The following TMEM163 variants were observed in gnomAD, a reference collection of about 807,000 sequenced individuals.
The protein encoded by TMEM163 is transmembrane protein 163.
TMEM163 carries 17 observed loss-of-function variants against 29.3 expected under a neutral mutation model. The observed-to-expected ratio is 0.58, with a 90% CI of 0.40 to 0.87. The LOEUF is 0.87. TMEM163 is among the 40% of genes least tolerant of loss of function. TMEM163 has a pLI of 0.00. For missense variants in TMEM163, 303 were observed against 381.5 expected (o/e 0.79, Z 1.71); for synonymous variants, 157 against 160.6 (o/e 0.98, Z 0.17).
At chr2:134,506,073 C>T (rs1679817187) in intron 4 of TMEM163, among the ~76,000 whole-genome samples, 1 of 152,162 alleles carries the variant, frequency 6.6e-6, no homozygotes, top group South Asian at 2.1e-4. Flanking sequence ...TGGAATAGCC[C>T]ACACGGTAAG....
At chr2:134,542,373 C>T (rs1680694628) in intron 4 of TMEM163, among the ~76,000 whole-genome samples, 1 of 152,190 alleles carries the variant, frequency 6.6e-6, no homozygotes, top group South Asian at 2.1e-4. Flanking sequence ...CAGAGTGGAG[C>T]TCTGATGGAG....
chr2:134,459,372 T>G (rs185050375), intron 6 of TMEM163: 33 of 151,432 alleles, frequency 2.2e-4, no homozygotes, highest in African/African-American at 7.9e-4. Flanking sequence ...CACCGAGGTT[T>G]GGTCGAGGAT....
chr2:134,617,442 A>G (rs72970152), intron 2 of TMEM163, among the ~76,000 whole-genome samples: 6,971 of 152,138 alleles, frequency 0.046, 545 homozygotes, highest in African/African-American at 0.16. Flanking sequence ...CTCTACTAAA[A>G]AAGTACAAAA....
rs72984277 is a variant in TMEM163, at chr2:134,575,453, G to A, written c.323-23362C>T. Reference sequence around the variant, plus strand: ...CTTGCCTTCAATGCTAGGGGCCTGCGGTATGTATAGAAGTGGCTGAAAACA... The same window carrying A: ...CTTGCCTTCAATGCTAGGGGCCTGCAGTATGTATAGAAGTGGCTGAAAACA... On this transcript the variant is annotated intron_variant, in intron 2 of 7. Coordinates refer to ENST00000281924, the MANE Select transcript of TMEM163 (RefSeq NM_030923.5). Among the ~76,000 whole-genome samples the A allele has an allele frequency of 5.9e-5, 9 of 152,172 alleles. No individual in the cohort carries two copies. The South Asian group carries it at 8.3e-4, about 14-fold the overall frequency.
intron 2 of TMEM163, among the ~76,000 whole-genome samples, chr2:134,597,574 T>C (rs1682116493): frequency 6.6e-6 from 1 of 152,058 alleles, no homozygotes; most frequent in South Asian, 2.1e-4. Flanking sequence ...TCTAAAATTC[T>C]CATTTTTTGT....
At chr2:134,501,542 T>C (rs2106486805) in intron 5 of TMEM163, among the ~76,000 whole-genome samples, 1 of 152,332 alleles carries the variant, frequency 6.6e-6, no homozygotes, top group African/African-American at 2.4e-5. Flanking sequence ...TGGAGGCATA[T>C]TTGCAAGGCC....
chr2:134,520,013 C>T (rs1574201530), intron 4 of TMEM163, among the ~76,000 whole-genome samples: 1 of 151,896 alleles, frequency 6.6e-6, no homozygotes, highest in East Asian at 1.9e-4. Flanking sequence ...AAAGACAGTT[C>T]GCATCACCTG....
chr2:134,648,397 C>A (rs62169032), intron 2 of TMEM163, among the ~76,000 whole-genome samples: 4 of 149,334 alleles, frequency 2.7e-5, no homozygotes, highest in Admixed American at 2.7e-4. Flanking sequence ...GGCTGTGGGG[C>A]AGGCCATGGG....
intron 5 of TMEM163, among the ~76,000 whole-genome samples, chr2:134,475,448 C>T (rs1475030514): frequency 6.6e-6 from 1 of 151,974 alleles, no homozygotes; most frequent in East Asian, 1.9e-4. Context: ...CAAAATATTT[C>T]CTATGACAAA....
intron 2 of TMEM163, among the ~76,000 whole-genome samples, chr2:134,688,116 C>T (rs1455880334): frequency 3.3e-5 from 5 of 152,162 alleles, no homozygotes; most frequent in Non-Finnish European, 4.4e-5. Flanking sequence ...CCACTGCGCA[C>T]CAGACACTGC....
At chr2:134,599,932 C>T (rs9287437) in intron 2 of TMEM163, among the ~76,000 whole-genome samples, 94,334 of 151,476 alleles carry the variant, frequency 0.62, 30,230 homozygotes, top group African/African-American at 0.71. Flanking sequence ...CACATATATA[C>T]ACACACACAC....
Position 134,489,851 on chromosome 2 carries a change from G to A in TMEM163, c.555+13050C>T, listed in dbSNP as rs550444821. ...TTTGCCATCTCTTTCTCTTCCAAAG[G>A]GGTGTAAAAATGTCCACAGCAAGGT... On this transcript the variant is annotated intron_variant, in intron 5 of 7. Coordinates refer to ENST00000281924, the MANE Select transcript of TMEM163 (RefSeq NM_030923.5). Among the ~76,000 whole-genome samples the A allele has an allele frequency of 3.7e-4, 56 of 152,280 alleles. 1 individual carries two copies. Among genetic ancestry groups the A allele is most frequent in the Non-Finnish European group, 5.9e-4 (40 of 68,022 alleles).
At chr2:134,601,479 C>T (rs1017967418) in intron 2 of TMEM163, among the ~76,000 whole-genome samples, 1 of 152,234 alleles carries the variant, frequency 6.6e-6, no homozygotes, top group Non-Finnish European at 1.5e-5. Flanking sequence ...GGAAACCAAC[C>T]CAACAGCCAG....
intron 2 of TMEM163, among the ~76,000 whole-genome samples, chr2:134,661,173 C>T (rs1034925541): frequency 1.3e-5 from 2 of 151,984 alleles, no homozygotes; most frequent in African/African-American, 2.4e-5. Flanking sequence ...CTCTCTCTCT[C>T]TCTCTCTCTC....
At chr2:134,699,521 T>G (rs1009733699) in intron 2 of TMEM163, among the ~76,000 whole-genome samples, 3 of 151,966 alleles carry the variant, frequency 2.0e-5, no homozygotes, top group Non-Finnish European at 4.4e-5. Flanking sequence ...AAAAAAATGT[T>G]GTAGATATGA....
chr2:134,600,021 T>C (rs928686452), intron 2 of TMEM163, among the ~76,000 whole-genome samples: 4 of 152,208 alleles, frequency 2.6e-5, no homozygotes, highest in Admixed American at 6.5e-5. Context: ...GCTCCCATTA[T>C]AAAGCAAGTT....
chr2:134,693,255 C>T (rs1684508064), intron 2 of TMEM163, among the ~76,000 whole-genome samples: 1 of 152,084 alleles, frequency 6.6e-6, no homozygotes, highest in South Asian at 2.1e-4. Flanking sequence ...AAGAGTAAGA[C>T]ATTTAAAAAA....
intron 2 of TMEM163, among the ~76,000 whole-genome samples, chr2:134,669,426 A>C (rs1211550057): frequency 6.6e-6 from 1 of 152,152 alleles, no homozygotes; most frequent in African/African-American, 2.4e-5. Flanking sequence ...TGGAAGACAC[A>C]AATCAGATCC....
intron 2 of TMEM163, among the ~76,000 whole-genome samples, chr2:134,695,357 G>A (rs1185739042): frequency 3.3e-5 from 5 of 151,890 alleles, no homozygotes; most frequent in East Asian, 1.9e-4. Flanking sequence ...GATTACAGGC[G>A]TGAGCCACCG....
Sources: gnomAD v4.1 joint callset for allele counts (sites outside exome capture counted in the v4.1 genomes callset) on GRCh38, gnomAD v4.1.1 for gene constraint, MANE v1.5 for transcripts, NCBI Gene and HGNC (gene_info 2026-07-23, HGNC 2026-07-21) for gene names.